The following DIDO1 variants were observed in gnomAD, a reference collection of about 807,000 sequenced individuals.
DIDO1 encodes death-inducer obliterator 1.
In DIDO1, 16 loss-of-function variants were observed where a neutral mutation model predicts 99.4. That is an observed-to-expected ratio of 0.16 (90% CI 0.11 to 0.24). The LOEUF (loss-of-function observed/expected upper bound fraction) is 0.24. Ranked by LOEUF, DIDO1 falls within the 10% of genes least tolerant of loss-of-function variation. The pLI is 1.00. For missense variants in DIDO1, 2,996 were observed against 3,014.0 expected, an observed-to-expected ratio of 0.99 and a Z score of 0.14; for synonymous variants, 1,366 against 1,239.1, an observed-to-expected ratio of 1.10 and a Z score of -2.15.
Position 62,911,158 on chromosome 20 carries a change from G to C in DIDO1, c.455C>G (p.Ser152Cys). Residue 152 changes from serine to cysteine, a missense_variant, in exon 3 of 16, where the codon TCC (serine) becomes TGC (cysteine). Transcript: ENST00000395343. The surrounding 1 kb of genome is among the most constrained non-coding windows in gnomAD (Gnocchi z 7.0). ...GGTCAGGCCATCGCTGTCACTATCGGAGGTGTCATCGTGGTCATCCCCTCC... is the reference window on the plus strand; with the variant it reads ...GGTCAGGCCATCGCTGTCACTATCGCAGGTGTCATCGTGGTCATCCCCTCC... Reference protein sequence around the residue: ...VKGGDDHDDTSDSDSDGLTLK... With the variant: ...VKGGDDHDDTCDSDSDGLTLK... 6.2e-7 allele frequency: 1 copy of C among 1,614,074 alleles called. No individual in the cohort carries two copies.
intron 1 of DIDO1, among the ~76,000 whole-genome samples, chr20:62,922,067 C>G (rs6011476): frequency 0.23 from 33,980 of 148,672 alleles, 4,163 homozygotes; most frequent in East Asian, 0.34. Flanking sequence ...TATACACACA[C>G]TATATACACT....
In DIDO1 at chr20:62,879,255, G is replaced by C; in HGVS notation, c.6701C>G (p.Ala2234Gly). The change falls in exon 16 of 16, where the codon GCT becomes GGT. Residue 2234 changes from alanine (A) to glycine (G), a missense_variant. Ala to Gly is a moderately conservative substitution (Grantham distance 60). Transcript: ENST00000395343. The surrounding 1 kb of genome is among the most constrained non-coding windows in gnomAD (Gnocchi z 6.3). ...CGTCTAGGCCTGCGAGGCGGTGCCA[G>C]CGTCGGAGGCCCTCGAGGCCTCGGG... ...PKPEASRASD[A>G]GTASQA The C allele has an allele frequency of 6.5e-7, 1 of 1,544,218 alleles. No individual in the cohort carries two copies. The highest frequency in any genetic ancestry group is 8.7e-7 in the Non-Finnish European group (1 of 1,150,548).
At chr20:62,908,390 C>T (rs1036280212) in intron 4 of DIDO1, among the ~76,000 whole-genome samples, 4 of 152,174 alleles carry the variant, frequency 2.6e-5, no homozygotes, top group Non-Finnish European at 5.9e-5. Flanking sequence ...TCCTGTGAGA[C>T]CTGAGCAGCA....
intron 6 of DIDO1, among the ~76,000 whole-genome samples, chr20:62,897,407 G>C (rs1227418332): frequency 2.0e-5 from 3 of 152,174 alleles, no homozygotes; most frequent in African/African-American, 7.2e-5. Flanking sequence ...CAGTGAAAAA[G>C]ACCGTTTAGA....
intron 5 of DIDO1, 26 bp from the exon 6 acceptor site, chr20:62,906,126 C>T (rs762955757): frequency 5.4e-5 from 86 of 1,591,912 alleles, no homozygotes; most frequent in Non-Finnish European, 7.3e-5. Flanking sequence ...AACCCCAAAT[C>T]ATTAAAAAGG....
rs2147344362 is a variant in DIDO1, at chr20:62,880,645, A to G, written c.5311T>C (p.Phe1771Leu). The G allele has an allele frequency of 6.2e-7, 1 of 1,612,792 alleles. No individual in the cohort carries two copies. Among genetic ancestry groups the G allele is most frequent in the Non-Finnish European group, 8.5e-7 (1 of 1,179,976 alleles). ...GGGGCTGGCCCCCTTGGTCCCGGGAAATTGGGGCCGTGAAGCCCTGACATC... is the reference window on the plus strand; with the variant it reads ...GGGGCTGGCCCCCTTGGTCCCGGGAGATTGGGGCCGTGAAGCCCTGACATC... ...LGMSGLHGPN[F>L]PGPRGPAPPF... Residue 1771 changes from phenylalanine to leucine, a missense_variant, in exon 16 of 16, where the codon TTC (phenylalanine) becomes CTC (leucine). By Grantham distance (22) the Phe-to-Leu change is conservative. Around this residue, in one of 5 missense-constraint regions of DIDO1, gnomAD observed 1,562 missense variants for 1,412.6 expected, o/e 1.11. Coordinates refer to ENST00000395343, the MANE Select transcript of DIDO1 (RefSeq NM_001193369.2).
Position 62,883,874 on chromosome 20 carries a change from G to A in DIDO1, c.3542-1460C>T, listed in dbSNP as rs564592800. 4.6e-5 allele frequency among the ~76,000 whole-genome samples: 7 copies of A among 151,954 alleles called. No homozygotes were observed. In the East Asian group the frequency reaches 9.7e-4, roughly 21 times the overall value. The stretch of plus-strand genomic sequence containing the variant: ...ACAAAAATTAGCCAGGCGTGGTGGC[G>A]TGTGCCTGTAGTCCCAGCTACTCAG... On this transcript the variant is annotated intron_variant, in intron 15 of 15. Coordinates refer to ENST00000395343, the MANE Select transcript of DIDO1 (RefSeq NM_001193369.2).
Position 62,920,932 on chromosome 20 carries a change from C to T in DIDO1, c.-200+5507G>A, listed in dbSNP as rs114903286. Among the ~76,000 whole-genome samples the T allele has an allele frequency of 8.9e-3, 1,357 of 152,344 alleles. 14 individuals carry two copies. The highest frequency in any genetic ancestry group is 0.031 in the African/African-American group (1,280 of 41,576). On this transcript the variant is annotated intron_variant, in intron 1 of 15. Coordinates refer to ENST00000395343, the MANE Select transcript of DIDO1 (RefSeq NM_001193369.2). Reference sequence around the variant, plus strand: ...TTTATTTGAGATGGAGTCTCGCTCTCACTTAGGCTGGAGTGGAGTGGCACG... The same window carrying T: ...TTTATTTGAGATGGAGTCTCGCTCTTACTTAGGCTGGAGTGGAGTGGCACG...
chr20:62,904,526 T>G (rs539215777), intron 6 of DIDO1, among the ~76,000 whole-genome samples: 1 of 152,230 alleles, frequency 6.6e-6, no homozygotes, highest in South Asian at 2.1e-4. Context: ...ACATCTGCAA[T>G]TCCAGCACTC....
chr20:62,915,832 C>A (rs902003078), intron 1 of DIDO1, among the ~76,000 whole-genome samples: 3 of 152,098 alleles, frequency 2.0e-5, no homozygotes, highest in Admixed American at 2.0e-4. Flanking sequence ...TTAAGAAGTT[C>A]TCGGGAACGA....
chr20:62,895,615 C>T (rs907458000), intron 8 of DIDO1, among the ~76,000 whole-genome samples: 7 of 152,202 alleles, frequency 4.6e-5, no homozygotes, highest in Admixed American at 3.9e-4. Flanking sequence ...TTTCATTATC[C>T]TAAAATTCTA....
chr20:62,900,892 G>A (rs1183964218), intron 6 of DIDO1, among the ~76,000 whole-genome samples: 1 of 152,218 alleles, frequency 6.6e-6, no homozygotes, highest in African/African-American at 2.4e-5. Context: ...AAGGAACTGT[G>A]GAAGTAAATT....
At position 62,894,171 on chromosome 20, in the gene DIDO1, C is replaced by T. The variant is rs1200512148; in HGVS notation, c.2596G>A (p.Glu866Lys). 6.2e-7 allele frequency: 1 copy of T among 1,613,568 alleles called. No homozygotes were observed. The highest frequency in any genetic ancestry group is 8.5e-7 in the Non-Finnish European group (1 of 1,179,722). ...AATTTTTGTTTTTTCGGAGCTGGCT[C>T]ATCTTCTGCGGAGGGAACCTGGCCT... The part of the protein sequence containing the change: ...CTGQVPSAED[E>K]PAPKKQKLSA... Residue 866 changes from glutamate (E) to lysine (K), a missense_variant, in exon 12 of 16, where the codon GAG becomes AAG. Glu to Lys is a moderately conservative substitution (Grantham distance 56). Around this residue, in one of 5 missense-constraint regions of DIDO1, gnomAD observed 898 missense variants for 972.7 expected, o/e 0.92. Transcript: ENST00000395343. This position sits in a 1 kb window ranked among gnomAD's most constrained non-coding sequence, Gnocchi z 4.4.
At chr20:62,883,815 G>A (rs2064251556) in intron 15 of DIDO1, among the ~76,000 whole-genome samples, 1 of 144,854 alleles carries the variant, frequency 6.9e-6, no homozygotes. Flanking sequence ...GACAGAGTGA[G>A]ACTCTGTCTC....
intron 15 of DIDO1, among the ~76,000 whole-genome samples, chr20:62,885,733 C>A (rs2064286595): frequency 6.6e-6 from 1 of 152,230 alleles, no homozygotes; most frequent in South Asian, 2.1e-4. Context: ...ATCTTGTCAC[C>A]CAACTCATGT....
chr20:62,918,669 T>A (rs536426902), intron 1 of DIDO1, among the ~76,000 whole-genome samples: 86 of 152,348 alleles, frequency 5.6e-4, no homozygotes, highest in African/African-American at 1.8e-3. Flanking sequence ...TGAAACAATA[T>A]TCAAAACAAT....
rs749426108 is a variant in DIDO1 at position 62,879,801 on chromosome 20, G to C, written c.6155C>G (p.Ser2052Cys). Reference sequence around the variant, plus strand: ...CTCGGGGCCCTGTCCGGGCGCACTGGAGGAGAGCGCGGAGGGCGGCCCGGC... The same window carrying C: ...CTCGGGGCCCTGTCCGGGCGCACTGCAGGAGAGCGCGGAGGGCGGCCCGGC... ...EEAGPPSALS[S>C]SAPGQGPEAD... Residue 2052 changes from serine (S) to cysteine (C), a missense_variant, in exon 16 of 16, where the codon TCC becomes TGC. Coordinates refer to ENST00000395343, the MANE Select transcript of DIDO1 (RefSeq NM_001193369.2). The surrounding 1 kb of genome is among the most constrained non-coding windows in gnomAD (Gnocchi z 6.3). 6.8e-6 allele frequency: 11 copies of C among 1,610,878 alleles called. No homozygotes were observed. The highest frequency in any genetic ancestry group is 6.7e-5 in the African/African-American group (5 of 74,902).
intron 1 of DIDO1, among the ~76,000 whole-genome samples, chr20:62,920,158 A>G (rs4809436): frequency 0.068 from 10,330 of 152,230 alleles, 531 homozygotes; most frequent in Non-Finnish European, 0.098. Flanking sequence ...AATCCACCTC[A>G]TGCCGCAAGT....
chr20:62,900,175 C>G (rs1352686406), intron 6 of DIDO1, among the ~76,000 whole-genome samples: 1 of 152,186 alleles, frequency 6.6e-6, no homozygotes, highest in Non-Finnish European at 1.5e-5. Context: ...TGCCTGAGAG[C>G]CAGGGGTCCC....
Sources: allele counts gnomAD v4.1 joint callset (sites outside exome capture counted in the v4.1 genomes callset), GRCh38; gene constraint gnomAD v4.1.1; regional missense constraint gnomAD v4.1.1; non-coding constraint Gnocchi (gnomAD v3.1); transcripts MANE v1.5; gene names NCBI Gene and HGNC (gene_info 2026-07-23, HGNC 2026-07-21).